PHEX: variants seen among roughly 807,000 people sequenced by gnomAD.
PHEX encodes the protein phosphate regulating endopeptidase X-linked.
In PHEX, 16 loss-of-function variants were observed where a neutral mutation model predicts 68.0. The observed-to-expected ratio is 0.24, with a 90% confidence interval of 0.16 to 0.36. The LOEUF is 0.36. PHEX is among the 10% of genes least tolerant of loss of function. The probability of loss-of-function intolerance (pLI) is 1.00; values close to 1 mark genes in which losing one functional copy is unlikely to be tolerated. For synonymous variants in PHEX, 208 were observed against 205.1 expected (o/e 1.01, Z -0.12); for missense variants, 480 against 575.5 (o/e 0.83, Z 1.70).
chrX:22,153,752 AG>A (rs1260384288), intron 12 of PHEX, among the ~76,000 whole-genome samples: 1 of 112,122 alleles, frequency 8.9e-6, no homozygotes, highest in African/African-American at 3.2e-5. Flanking sequence ...AAATAAATGA[AG>A]GTTGAATTAA....
At chrX:22,119,788 G>A (rs1931407284) in intron 11 of PHEX, among the ~76,000 whole-genome samples, 5 of 109,309 alleles carry the variant, frequency 4.6e-5, no homozygotes, top group Admixed American at 2.9e-4. Context: ...GTAGAGATGT[G>A]GTTTCCTCAT....
intron 12 of PHEX, 46 bp from the exon 13 acceptor site, chrX:22,168,266 T>C (rs762323850): frequency 1.1e-5 from 10 of 897,272 alleles, no homozygotes; most frequent in Non-Finnish European, 9.8e-6. Flanking sequence ...TATTAATGAT[T>C]TAAGTGCTGA....
chrX:22,195,578 G>C (rs931813709), intron 15 of PHEX, among the ~76,000 whole-genome samples: 4 of 103,744 alleles, frequency 3.9e-5, no homozygotes, highest in Non-Finnish European at 7.7e-5. Context: ...CTGGGCGACA[G>C]AGTGAGACTC....
In PHEX at chrX:22,115,450, T is replaced by C. The variant is rs752036555; in HGVS notation, c.1302+864T>C. On this transcript the variant is annotated intron_variant, in intron 11 of 21. Coordinates refer to ENST00000379374, the MANE Select transcript of PHEX (RefSeq NM_000444.6). ...CCATTGTGTGTGTGGTGGTGGGGGA[T>C]GAGGACACTTAAGATTTACTGTCTT... 2.3e-4 allele frequency among the ~76,000 whole-genome samples: 26 copies of C among 112,227 alleles called. 1 individual carries two copies. Among genetic ancestry groups the C allele is most frequent in the Non-Finnish European group, 4.1e-4 (22 of 53,186 alleles).
chrX:22,236,174 C>G (rs986718609), intron 20 of PHEX, among the ~76,000 whole-genome samples: 2 of 112,142 alleles, frequency 1.8e-5, no homozygotes, highest in Admixed American at 9.5e-5. Flanking sequence ...ATTATTCAAT[C>G]TAAGCTTCAT....
At chrX:22,064,735 C>G (rs1197233805) in intron 3 of PHEX, among the ~76,000 whole-genome samples, 1 of 111,871 alleles carries the variant, frequency 8.9e-6, no homozygotes, top group East Asian at 2.8e-4. Flanking sequence ...AATTTGTTTG[C>G]CTTGCATTGG....
At chrX:22,104,168 G>T (rs1300643823) in intron 9 of PHEX, among the ~76,000 whole-genome samples, 8 of 111,641 alleles carry the variant, frequency 7.2e-5, no homozygotes, top group African/African-American at 2.6e-4. Flanking sequence ...TCTTTCAGCT[G>T]CTCATTTCTC....
At chrX:22,100,634 CAG>C (rs747320794) in intron 9 of PHEX, among the ~76,000 whole-genome samples, 2 of 111,147 alleles carry the variant, frequency 1.8e-5, no homozygotes, top group African/African-American at 3.3e-5. Context: ...AATTTACAAT[CAG>C]GGGATAGATT....
chrX:22,121,614 A>T (rs1302124074), intron 11 of PHEX, among the ~76,000 whole-genome samples: 3 of 112,320 alleles, frequency 2.7e-5, no homozygotes, highest in Non-Finnish European at 5.6e-5. Context: ...AAAACATTCT[A>T]TATGCAGAAG....
chrX:22,165,971 A>T (rs1933300997), intron 12 of PHEX, among the ~76,000 whole-genome samples: 1 of 111,924 alleles, frequency 8.9e-6, no homozygotes. Flanking sequence ...TTCCAATAAA[A>T]CTTTATTTAT....
At chrX:22,049,269 C>T (rs916182523) in intron 3 of PHEX, among the ~76,000 whole-genome samples, 12 of 110,486 alleles carry the variant, frequency 1.1e-4, no homozygotes, top group South Asian at 7.9e-4. Flanking sequence ...CTTGCCACCA[C>T]GCCTGGCTAA....
chrX:22,248,129 A>T lies in PHEX; in HGVS notation c.*176A>T. The T allele has an allele frequency of 2.2e-6, 1 of 445,311 alleles. No individual in the cohort carries two copies. Among genetic ancestry groups the T allele is most frequent in the Middle Eastern group, 5.7e-4 (1 of 1,743 alleles). 36.7% of individuals were successfully genotyped at this position (445,311 alleles called of 1,213,427 possible). ...GCATCTGTTCAAAGTTGTAGGGCTTATAAAGTGGAATATAAGAATGAACTA... is the reference window on the plus strand; with the variant it reads ...GCATCTGTTCAAAGTTGTAGGGCTTTTAAAGTGGAATATAAGAATGAACTA... On this transcript the variant is annotated 3_prime_UTR_variant, in exon 22 of 22. Transcript: ENST00000379374.
intron 12 of PHEX, among the ~76,000 whole-genome samples, chrX:22,133,907 G>A (rs1167114734): frequency 8.9e-6 from 1 of 112,164 alleles, no homozygotes; most frequent in East Asian, 2.8e-4. Context: ...TTGCTGCCTG[G>A]TGAATTGTGT....
At chrX:22,168,281 C>T in intron 12 of PHEX, 31 bp from the exon 13 acceptor site, 9 of 1,051,164 alleles carry the variant, frequency 8.6e-6, no homozygotes, top group Non-Finnish European at 1.2e-5. Flanking sequence ...TGCTGAAACT[C>T]TGACATTATT....
chrX:22,087,696 GATTCAGTTTTT>G (rs1929685396), intron 5 of PHEX, among the ~76,000 whole-genome samples: 1 of 111,483 alleles, frequency 9.0e-6, no homozygotes, highest in South Asian at 3.7e-4. Context: ...GGGCATGTAG[GATTCAGTTTTT>G]ATTCAGATAT....
rs1182171577 is a variant in PHEX, at chrX:22,099,129, A to T, written c.1057A>T (p.Ile353Leu). The T allele has an allele frequency of 1.7e-6, 2 of 1,209,028 alleles. No individual in the cohort carries two copies. Among genetic ancestry groups the T allele is most frequent in the Non-Finnish European group, 2.2e-6 (2 of 893,305 alleles). Residue 353 changes from isoleucine (I) to leucine (L), a missense_variant, in exon 9 of 22, where the codon ATA becomes TTA. Physicochemically the swap from Ile to Leu is conservative, Grantham distance 5. Transcript: ENST00000379374. ...VPQYFKDLFRILGSERKKTIA... is the reference protein window; with the variant it reads ...VPQYFKDLFRLLGSERKKTIA... ...GCAGTACTTTAAAGATTTGTTTAGG[A>T]TATTAGGGTCTGAGAGAAAGAAGTA... is the stretch of plus-strand genomic sequence containing the variant.
At chrX:22,103,223 T>G (rs764601009) in intron 9 of PHEX, among the ~76,000 whole-genome samples, 2 of 112,344 alleles carry the variant, frequency 1.8e-5, no homozygotes, top group East Asian at 5.6e-4. Context: ...AGTTAGATAT[T>G]GCTAGCTTTG....
intron 16 of PHEX, among the ~76,000 whole-genome samples, chrX:22,216,493 TTATTTATTTATTTA>T (rs1935093409): frequency 5.7e-5 from 1 of 17,609 alleles, no homozygotes; most frequent in Non-Finnish European, 1.2e-4. Flanking sequence ...TTTTTTATGC[TTATTTATTTATTTA>T]TTTATTTATT....
At chrX:22,224,987 C>CATACAGCGT (rs1935422777) in intron 18 of PHEX, among the ~76,000 whole-genome samples, 1 of 108,312 alleles carries the variant, frequency 9.2e-6, no homozygotes, top group Non-Finnish European at 1.9e-5. Flanking sequence ...TCATACAGCT[C>CATACAGCGT]TGTATGTCAG....
Sources: allele counts gnomAD v4.1 joint callset (sites outside exome capture counted in the v4.1 genomes callset), GRCh38; gene constraint gnomAD v4.1.1; transcripts MANE v1.5; gene names NCBI Gene and HGNC (gene_info 2026-07-23, HGNC 2026-07-21).